VPS13C: variants seen among roughly 807,000 people sequenced by gnomAD.
The protein encoded by VPS13C is intermembrane lipid transfer protein VPS13C.
VPS13C carries 358 observed loss-of-function variants against 456.8 expected under a neutral mutation model. The observed-to-expected ratio is 0.78, with a 90% CI of 0.72 to 0.86. The LOEUF (loss-of-function observed/expected upper bound fraction) is 0.86, where lower values mean the gene tolerates loss of function less well. Ranked by LOEUF, VPS13C falls within the 40% of genes least tolerant of loss-of-function variation. The probability of loss-of-function intolerance (pLI) is 0.00; values close to 1 mark genes in which losing one functional copy is unlikely to be tolerated. For missense variants in VPS13C, 4,818 were observed against 4,385.4 expected (o/e 1.10, Z -2.79); for synonymous variants, 1,578 against 1,486.7 (o/e 1.06, Z -1.41).
chr15:61,925,700 T>A, intron 52 of VPS13C, 152 bp from the exon 53 acceptor site: 1 of 453,440 alleles, frequency 2.2e-6, no homozygotes, highest in Non-Finnish European at 3.8e-6. Context: ...TAGCTGAGAC[T>A]CTGTTGTGAA....
intron 6 of VPS13C, among the ~76,000 whole-genome samples, chr15:62,027,123 A>G (rs2140609539): frequency 6.6e-6 from 1 of 152,124 alleles, no homozygotes; most frequent in East Asian, 1.9e-4. Flanking sequence ...AGAGGAAATG[A>G]TCATGAAACA....
At chr15:61,961,284 C>G (rs1454432386) in intron 35 of VPS13C, among the ~76,000 whole-genome samples, 6 of 151,494 alleles carry the variant, frequency 4.0e-5, no homozygotes, top group Middle Eastern at 3.4e-3. Context: ...CCCAGCTACT[C>G]GGGAGGCTGA....
chr15:62,018,965 G>A (rs1049996120), intron 9 of VPS13C, among the ~76,000 whole-genome samples: 5 of 152,194 alleles, frequency 3.3e-5, no homozygotes, highest in Admixed American at 2.6e-4. Context: ...CAATTTCAGA[G>A]CCTGTTATTG....
At chr15:62,001,961 T>G (rs1213776002) in intron 15 of VPS13C, among the ~76,000 whole-genome samples, 2 of 152,224 alleles carry the variant, frequency 1.3e-5, no homozygotes, top group Non-Finnish European at 2.9e-5. Context: ...CTATTGTGAA[T>G]AATGCCGCAA....
chr15:61,895,507 G>C (rs2042780813), intron 66 of VPS13C, among the ~76,000 whole-genome samples: 1 of 152,018 alleles, frequency 6.6e-6, no homozygotes, highest in East Asian at 1.9e-4. Context: ...CATGAATAAG[G>C]AGACTTATAA....
At chr15:61,938,732 A>C (rs1314014994) in intron 47 of VPS13C, among the ~76,000 whole-genome samples, 1 of 152,174 alleles carries the variant, frequency 6.6e-6, no homozygotes, top group Non-Finnish European at 1.5e-5. Context: ...GGCTTTGTCA[A>C]ATCTTAACAA....
At chr15:62,031,479 G>A (rs1352097443) in intron 5 of VPS13C, among the ~76,000 whole-genome samples, 1 of 151,846 alleles carries the variant, frequency 6.6e-6, no homozygotes, top group African/African-American at 2.4e-5. Flanking sequence ...CATATCCACA[G>A]AAATGAGAAA....
intron 77 of VPS13C, 107 bp downstream of exon 77, chr15:61,874,769 A>G: frequency 1.0e-6 from 1 of 1,001,252 alleles, no homozygotes; most frequent in South Asian, 1.9e-5. Context: ...GATTATTAAG[A>G]AAGTGATCCC....
In VPS13C at chr15:61,865,213, A is replaced by G. The variant is rs115167563; in HGVS notation, c.10864-1685T>C. ...CAAAAGCCCTTTACCCAGTAATTCA[A>G]TTTTTTCAAGTAAATTCTAAGGAAA... On this transcript the variant is annotated intron_variant, in intron 81 of 84. Coordinates refer to ENST00000644861, the MANE Select transcript of VPS13C (RefSeq NM_020821.3). 2,222 of 984,642 alleles carry G rather than the reference A, an allele frequency of 2.3e-3. 51 individuals are homozygous for G. In the African/African-American group the frequency reaches 0.036, roughly 16 times the overall value. 61.0% of individuals were successfully genotyped at this position (984,642 alleles called of 1,614,324 possible). A position where few individuals can be genotyped will look rare whatever the true frequency, so the allele number is the denominator to read the frequency against.
intron 75 of VPS13C, among the ~76,000 whole-genome samples, chr15:61,876,291 A>C (rs116773518): frequency 0.012 from 1,805 of 152,104 alleles, 42 homozygotes; most frequent in African/African-American, 0.042. Context: ...ATTTTTTAAA[A>C]AGGGAAGTTA....
intron 67 of VPS13C, among the ~76,000 whole-genome samples, chr15:61,885,837 G>T (rs978981458): frequency 1.3e-5 from 2 of 151,994 alleles, no homozygotes; most frequent in South Asian, 4.1e-4. Context: ...ACCTGTAGTT[G>T]TCCTAGGCAA....
Position 61,875,814 on chromosome 15 carries a change from C to G in VPS13C, c.10256G>C (p.Gly3419Ala). ...AAATGGGTTTCCAAGTACATCTAAC[C>G]CCAATACAAGGACATACATCTGTTT... ...FLKQMYVLVL[G>A]LDVLGNPFGL... is the part of the protein sequence containing the mutation. The change falls in exon 76 of 85, where the codon GGG (glycine) becomes GCG (alanine). Residue 3419 changes from glycine to alanine, a missense_variant. Physicochemically the swap from Gly to Ala is moderately conservative, Grantham distance 60. Around this residue, in one of 3 missense-constraint regions of VPS13C, gnomAD observed 4,552 missense variants for 4,130.6 expected, o/e 1.10. Transcript: ENST00000644861. The G allele has an allele frequency of 6.2e-7, 1 of 1,602,942 alleles. No homozygotes were observed. Among genetic ancestry groups the G allele is most frequent in the South Asian group, 1.1e-5 (1 of 88,272 alleles).
intron 66 of VPS13C, among the ~76,000 whole-genome samples, chr15:61,896,598 C>T (rs1596304967): frequency 6.6e-6 from 1 of 152,200 alleles, no homozygotes; most frequent in East Asian, 1.9e-4. Flanking sequence ...CTCGGAGGGT[C>T]CTACGCCCAC....
intron 73 of VPS13C, among the ~76,000 whole-genome samples, chr15:61,879,745 T>A (rs1895714773): frequency 6.6e-6 from 1 of 152,088 alleles, no homozygotes; most frequent in South Asian, 2.1e-4. Context: ...ATCCCACAAA[T>A]AACTGATTTT....
At chr15:61,861,167 T>C (rs1042073270) in intron 82 of VPS13C, among the ~76,000 whole-genome samples, 7 of 151,958 alleles carry the variant, frequency 4.6e-5, no homozygotes, top group African/African-American at 1.7e-4. Context: ...TTCACCATGT[T>C]GGCCAGGCTG....
At chr15:61,868,885 T>C in intron 80 of VPS13C, 112 bp from the exon 81 acceptor site, 1 of 880,360 alleles carries the variant, frequency 1.1e-6, no homozygotes, top group East Asian at 2.8e-5. Context: ...TAATTTTAAA[T>C]AGCTTTCCCC....
At chr15:61,954,741 C>G (rs1014605509) in intron 37 of VPS13C, among the ~76,000 whole-genome samples, 187 bp from the exon 38 acceptor site, 11 of 152,118 alleles carry the variant, frequency 7.2e-5, no homozygotes, top group South Asian at 4.1e-4. Context: ...TACAAACAAA[C>G]AAGCAGGCCA....
At chr15:61,927,420 T>C in intron 51 of VPS13C, 100 bp from the exon 52 acceptor site, 1 of 847,264 alleles carries the variant, frequency 1.2e-6, no homozygotes, top group East Asian at 2.5e-5. Flanking sequence ...AATGTTTTTC[T>C]ATAACAGATA....
chr15:61,873,071 C>A (rs551268103), intron 78 of VPS13C, among the ~76,000 whole-genome samples, 175 bp downstream of exon 78: 1 of 152,088 alleles, frequency 6.6e-6, no homozygotes, highest in Non-Finnish European at 1.5e-5. Context: ...GGGGATAGAT[C>A]TGGTGGTGAC....
Sources: allele counts gnomAD v4.1 joint callset (sites outside exome capture counted in the v4.1 genomes callset), GRCh38; gene constraint gnomAD v4.1.1; regional missense constraint gnomAD v4.1.1; transcripts MANE v1.5; gene names NCBI Gene and HGNC (gene_info 2026-07-23, HGNC 2026-07-21).